Variants in NELL2 observed in about 807,000 individuals in gnomAD.
The protein encoded by NELL2 is protein kinase C-binding protein NELL2.
A neutral mutation model predicts 109.6 loss-of-function variants in NELL2; 41 were observed. That is an observed-to-expected ratio of 0.37 (90% CI 0.29 to 0.49). The LOEUF is 0.49. NELL2 is among the 20% of genes least tolerant of loss of function. The probability of loss-of-function intolerance (pLI) is 0.98; values close to 1 mark genes in which losing one functional copy is unlikely to be tolerated. For synonymous variants in NELL2, 355 were observed against 344.7 expected (o/e 1.03, Z -0.33); for missense variants, 900 against 1,008.3 (o/e 0.89, Z 1.45).
intron 16 of NELL2, among the ~76,000 whole-genome samples, chr12:44,528,785 G>A (rs1459469080): frequency 6.6e-6 from 1 of 152,166 alleles, no homozygotes; most frequent in Non-Finnish European, 1.5e-5. Flanking sequence ...AGTGTCAGAG[G>A]TGGGAGACTA....
At chr12:44,921,604 A>C (rs1945868402) in intron 1 of NELL2, among the ~76,000 whole-genome samples, 1 of 152,206 alleles carries the variant, frequency 6.6e-6, no homozygotes, top group African/African-American at 2.4e-5. Context: ...GAACAGTACA[A>C]GCAATAAGTA....
chr12:44,593,751 C>A (rs144475821), intron 15 of NELL2, among the ~76,000 whole-genome samples: 2 of 152,182 alleles, frequency 1.3e-5, no homozygotes, highest in African/African-American at 4.8e-5. Context: ...CACACACTCT[C>A]CTGCATCTGT....
rs1941621595 is a variant in NELL2, at chr12:44,523,323, C to G, written c.1966G>C (p.Glu656Gln). ...VKHNGQIWVLENDRCSVCSCQ... is the reference protein window; with the variant it reads ...VKHNGQIWVLQNDRCSVCSCQ... Reference sequence around the variant, plus strand: ...GAGCACACAGAGCACCTGTCATTTTCCAACACCCAAATCTGACCATTGTGC... The same window carrying G: ...GAGCACACAGAGCACCTGTCATTTTGCAACACCCAAATCTGACCATTGTGC... The change falls in exon 17 of 20, where the codon GAA becomes CAA. Residue 656 changes from glutamate (E) to glutamine (Q), a missense_variant. By Grantham distance (29) the Glu-to-Gln change is conservative. Transcript: ENST00000429094. 6.2e-7 allele frequency: 1 copy of G among 1,614,034 alleles called. No homozygotes were observed. Among genetic ancestry groups the G allele is most frequent in the Non-Finnish European group, 8.5e-7 (1 of 1,180,004 alleles).
chr12:44,917,505 T>C (rs1194044298), upstream of NELL2, among the ~76,000 whole-genome samples: 3 of 152,326 alleles, frequency 2.0e-5, no homozygotes, highest in African/African-American at 4.8e-5. Context: ...TCTAGGTATA[T>C]GTGGTGAGCA....
At chr12:44,679,888 T>G (rs1462278418) in intron 12 of NELL2, among the ~76,000 whole-genome samples, 1 of 152,094 alleles carries the variant, frequency 6.6e-6, no homozygotes, top group Non-Finnish European at 1.5e-5. Flanking sequence ...ATTCCATCTG[T>G]CTCTACTTCT....
At chr12:44,707,555 A>G (rs1293384797) in intron 11 of NELL2, among the ~76,000 whole-genome samples, 1 of 152,154 alleles carries the variant, frequency 6.6e-6, no homozygotes, top group Non-Finnish European at 1.5e-5. Context: ...TGGGTGTTCT[A>G]TCACTTGTAC....
chr12:44,728,291 A>AT (rs1169675405), intron 9 of NELL2, among the ~76,000 whole-genome samples: 2 of 152,038 alleles, frequency 1.3e-5, no homozygotes, highest in South Asian at 2.1e-4. Context: ...ATAGACAGTA[A>AT]TTTTTTAAAA....
intron 15 of NELL2, among the ~76,000 whole-genome samples, chr12:44,574,080 T>A (rs1399448672): frequency 6.6e-6 from 1 of 152,072 alleles, no homozygotes; most frequent in Non-Finnish European, 1.5e-5. Context: ...TATTTTTTTT[T>A]TGAGATGGAG....
intron 12 of NELL2, among the ~76,000 whole-genome samples, chr12:44,688,841 A>T (rs1484575817): frequency 6.6e-6 from 1 of 152,212 alleles, no homozygotes; most frequent in Non-Finnish European, 1.5e-5. Flanking sequence ...AAAATAAGTT[A>T]TTTGCTCTTA....
At chr12:44,517,401 C>G (rs1302634717) in intron 19 of NELL2, among the ~76,000 whole-genome samples, 1 of 151,300 alleles carries the variant, frequency 6.6e-6, no homozygotes, top group East Asian at 1.9e-4. Context: ...CTCTCTCTCT[C>G]TCTCTCTCTC....
chr12:44,844,125 G>A (rs556897890), intron 2 of NELL2, among the ~76,000 whole-genome samples: 2 of 152,302 alleles, frequency 1.3e-5, no homozygotes, highest in East Asian at 3.9e-4. Context: ...AGAGTAGAAT[G>A]CTGCATGAAG....
chr12:44,654,586 C>T (rs1235232126), intron 13 of NELL2, among the ~76,000 whole-genome samples: 1 of 152,166 alleles, frequency 6.6e-6, no homozygotes, highest in Non-Finnish European at 1.5e-5. Context: ...AGCTATTCCA[C>T]AACCAGATTC....
intron 2 of NELL2, among the ~76,000 whole-genome samples, chr12:44,843,618 T>C (rs1506676): frequency 0.29 from 44,735 of 152,146 alleles, 7,811 homozygotes; most frequent in South Asian, 0.58. Context: ...TGAGACTGAA[T>C]AATTTATAAA....
intron 2 of NELL2, among the ~76,000 whole-genome samples, chr12:44,832,866 A>G (rs1055661138): frequency 6.6e-6 from 1 of 152,218 alleles, no homozygotes; most frequent in Non-Finnish European, 1.5e-5. Flanking sequence ...AGTCCTTTCT[A>G]GCATTCTAAG....
At chr12:44,592,610 T>A (rs571343212) in intron 15 of NELL2, among the ~76,000 whole-genome samples, 4 of 152,110 alleles carry the variant, frequency 2.6e-5, no homozygotes, top group Non-Finnish European at 5.9e-5. Flanking sequence ...TGGAGGGCTG[T>A]AAGGTGAGAA....
At chr12:44,568,387 T>A (rs563463139) in intron 15 of NELL2, among the ~76,000 whole-genome samples, 1 of 152,162 alleles carries the variant, frequency 6.6e-6, no homozygotes, top group East Asian at 1.9e-4. Context: ...TTGAGATACA[T>A]TCAGACAATT....
chr12:44,763,571 G>A (rs1288700821), intron 9 of NELL2, among the ~76,000 whole-genome samples: 1 of 152,008 alleles, frequency 6.6e-6, no homozygotes, highest in South Asian at 2.1e-4. Flanking sequence ...TCCTAAAACT[G>A]GTTAAAAAGG....
At chr12:44,607,749 G>A (rs867609050) in intron 14 of NELL2, among the ~76,000 whole-genome samples, 3 of 152,042 alleles carry the variant, frequency 2.0e-5, no homozygotes, top group Admixed American at 1.3e-4. Context: ...ATTTGTAAGC[G>A]GGTCCTGGTA....
intron 3 of NELL2, among the ~76,000 whole-genome samples, chr12:44,786,841 A>G (rs962573954): frequency 6.6e-6 from 1 of 152,138 alleles, no homozygotes; most frequent in African/African-American, 2.4e-5. Context: ...ACACATGGAC[A>G]CAGAGAGGAG....
Sources: allele counts gnomAD v4.1 joint callset (sites outside exome capture counted in the v4.1 genomes callset), GRCh38; gene constraint gnomAD v4.1.1; transcripts MANE v1.5; gene names NCBI Gene and HGNC (gene_info 2026-07-23, HGNC 2026-07-21).